CEP170B: variants seen among roughly 807,000 people sequenced by gnomAD.
CEP170B encodes centrosomal protein of 170 kDa protein B.
Under a neutral mutation model 120.6 loss-of-function variants are expected in CEP170B, and 55 were observed. That is an observed-to-expected ratio of 0.46 (90% CI 0.37 to 0.57). CEP170B has a LOEUF of 0.57. Ranked by LOEUF, CEP170B falls within the 20% of genes least tolerant of loss-of-function variation. The pLI, the probability that CEP170B is intolerant of heterozygous loss-of-function variation, is 0.00. For synonymous variants in CEP170B, 1,033 were observed against 954.5 expected (o/e 1.08, Z -1.52); for missense variants, 2,212 against 2,253.3 (o/e 0.98, Z 0.37).
At chr14:104,865,051 A>C (rs1259738366), upstream of CEP170B, among the ~76,000 whole-genome samples, 3 of 73,806 alleles carry the variant, frequency 4.1e-5, no homozygotes, top group Non-Finnish European at 8.7e-5. The surrounding 1 kb of genome is among the most constrained non-coding windows in gnomAD (Gnocchi z 6.7). Context: ...CGGTGGGGGA[A>C]GGTGGGCCTG....
At chr14:104,889,225 AG>A (rs950540319) in intron 12 of CEP170B, among the ~76,000 whole-genome samples, 10 of 152,210 alleles carry the variant, frequency 6.6e-5, no homozygotes, top group African/African-American at 2.4e-4. Context: ...ACCACCTGTA[AG>A]GGGGTTTCCC....
In CEP170B at chr14:104,868,462, G is replaced by A. The variant is rs183217990; in HGVS notation, c.12G>A (p.Thr4=). 8.4e-3 allele frequency: 12,952 copies of A among 1,548,860 alleles called. 69 individuals carry two copies. Among genetic ancestry groups the A allele is most frequent in the Non-Finnish European group, 0.01 (11,560 of 1,146,914 alleles). ...CAGCCAGCACCAAGATGAGTGCCAC[G>A]TCCTGGTTCCTGGTGAGCAGCAGCG... is the stretch of plus-strand genomic sequence containing the variant. MSA[T]SWFLVSSSGA... Residue 4 remains threonine (T), a synonymous_variant, in exon 2 of 19, where the codon ACG becomes ACA. Coordinates refer to ENST00000414716, the MANE Select transcript of CEP170B (RefSeq NM_001112726.3). This position sits in a 1 kb window ranked among gnomAD's most constrained non-coding sequence, Gnocchi z 5.9.
Position 104,894,878 on chromosome 14 carries a change from TTCCCACAGCGGGCCA to T in CEP170B, c.4586_4600del (p.Phe1529_Ser1534delinsCys). 1 of 1,606,520 alleles carries T rather than the reference TTCCCACAGCGGGCCA, an allele frequency of 6.2e-7. No homozygotes were observed. Among genetic ancestry groups the T allele is most frequent in the Non-Finnish European group, 8.5e-7 (1 of 1,177,244 alleles). The stretch of plus-strand genomic sequence containing the variant: ...GCTGCCAGCCCTGCCCCTGAGGAAT[TTCCCACAGCGGGCCA>T]GCTGTGGGCCTCCCAGCCTCCCGGA... On this transcript the variant is annotated inframe_deletion, in exon 19 of 19. Transcript: ENST00000414716.
intron 8 of CEP170B, 75 bp downstream of exon 8, chr14:104,883,583 GC>G: frequency 7.2e-7 from 1 of 1,391,588 alleles, no homozygotes; most frequent in African/African-American, 1.4e-5. Flanking sequence ...CTGCACTGTT[GC>G]CATGCAGAGG....
chr14:104,894,097 C>T, intron 16 of CEP170B, 188 bp from the exon 17 acceptor site: 1 of 657,006 alleles, frequency 1.5e-6, no homozygotes, highest in Non-Finnish European at 2.7e-6. Flanking sequence ...CCCAGCCCTC[C>T]CCACCGCCGA....
chr14:104,896,098 G>A lies in CEP170B; in HGVS notation c.*1140G>A. 1 of 159,550 alleles carries A rather than the reference G, an allele frequency of 6.3e-6. No individual in the cohort carries two copies. Among genetic ancestry groups the A allele is most frequent in the Non-Finnish European group, 1.4e-5 (1 of 72,066 alleles). 9.9% of individuals were successfully genotyped at this position (159,550 alleles called of 1,614,324 possible). On this transcript the variant is annotated 3_prime_UTR_variant, in exon 19 of 19. Coordinates refer to ENST00000414716, the MANE Select transcript of CEP170B (RefSeq NM_001112726.3). Reference sequence around the variant, plus strand: ...GGCCGTGGTTGGTGGGGGTGGACGTGGGGGTGTCCCACCTGGACCAGACTG... The same window carrying A: ...GGCCGTGGTTGGTGGGGGTGGACGTAGGGGTGTCCCACCTGGACCAGACTG...
rs1447389535 is a variant in CEP170B, at chr14:104,877,954, T to G, written c.265T>G (p.Phe89Val). The G allele has an allele frequency of 6.2e-7, 1 of 1,601,938 alleles. No homozygotes were observed. The highest frequency in any genetic ancestry group is 8.5e-7 in the Non-Finnish European group (1 of 1,173,968). The change falls in exon 4 of 19, where the codon TTC becomes GTC. Residue 89 changes from phenylalanine (F) to valine (V), a missense_variant. Coordinates refer to ENST00000414716, the MANE Select transcript of CEP170B (RefSeq NM_001112726.3). ...VTLKLNDVIR[F>V]GYDSNMYVLE... ...GCTGAAGCTCAACGATGTCATCCGC[T>G]TCGGCTACGATATCCTGCCCCTGAG...
intron 9 of CEP170B, 43 bp from the exon 10 acceptor site, chr14:104,885,326 G>A: frequency 1.3e-6 from 2 of 1,503,846 alleles, no homozygotes; most frequent in Non-Finnish European, 1.8e-6. Context: ...TGGGAGGTGG[G>A]CTTCTCTGAC....
Position 104,894,801 on chromosome 14 carries a change from A to C in CEP170B, c.4508A>C (p.Lys1503Thr), listed in dbSNP as rs202016899. ...LASSAQPGLG[K>T]GRVAAQSPPS... ...AGCTCTGCACAGCCGGGGCTGGGGA[A>C]GGGCCGCGTGGCTGCCCAGAGCCCA... is the stretch of plus-strand genomic sequence containing the variant. Residue 1503 changes from lysine to threonine, a missense_variant, in exon 19 of 19, where the codon AAG (lysine) becomes ACG (threonine). Lys to Thr is a moderately conservative substitution (Grantham distance 78, BLOSUM62 -1). Around this residue, in one of 2 missense-constraint regions of CEP170B, gnomAD observed 2,166 missense variants for 2,166.7 expected, o/e 1.00. Transcript: ENST00000414716. 124 of 1,608,006 alleles carry C rather than the reference A, an allele frequency of 7.7e-5. No individual in the cohort carries two copies. Among genetic ancestry groups the C allele is most frequent in the Non-Finnish European group, 9.3e-5 (110 of 1,179,134 alleles).
At chr14:104,878,749 G>T (rs1207091312) in intron 5 of CEP170B, among the ~76,000 whole-genome samples, 2 of 152,244 alleles carry the variant, frequency 1.3e-5, no homozygotes, top group Non-Finnish European at 2.9e-5. Context: ...CGGGACGCGG[G>T]TGCCACTGTT....
intron 6 of CEP170B, among the ~76,000 whole-genome samples, chr14:104,880,654 AT>A (rs1208775349): frequency 1.3e-5 from 2 of 150,748 alleles, no homozygotes; most frequent in East Asian, 3.9e-4. Flanking sequence ...CTACCCGTGC[AT>A]GCCTGCACCC....
At position 104,878,499 on chromosome 14, in the gene CEP170B, A is replaced by G; in HGVS notation, c.331A>G (p.Lys111Glu). The change falls in exon 5 of 19, where the codon AAG becomes GAG. Residue 111 changes from lysine (K) to glutamate (E), a missense_variant and splice_region_variant. By Grantham distance (56) the Lys-to-Glu change is moderately conservative (BLOSUM62 1). Around this residue, in one of 2 missense-constraint regions of CEP170B, gnomAD observed 2,166 missense variants for 2,166.7 expected, o/e 1.00. Coordinates refer to ENST00000414716, the MANE Select transcript of CEP170B (RefSeq NM_001112726.3). ...GCACCGAGTCCCGGAGGAGGCACTC[A>G]AGGTTAGTGCTGGCCAAGCCCGGGT... ...VQHRVPEEAL[K>E]HEKYTSQLQV... 1.2e-6 allele frequency: 2 copies of G among 1,611,154 alleles called. No homozygotes were observed. Among genetic ancestry groups the G allele is most frequent in the South Asian group, 2.2e-5 (2 of 91,072 alleles).
intron 16 of CEP170B, chr14:104,894,065 C>T (rs951106039): frequency 1.5e-6 from 1 of 650,212 alleles, no homozygotes; most frequent in Non-Finnish European, 2.7e-6. Flanking sequence ...TCCTCCCCTT[C>T]TCCCCTAGCC....
In CEP170B at chr14:104,885,385, A is replaced by G. The variant is rs1447215938; in HGVS notation, c.1787A>G (p.Glu596Gly). 2 of 1,565,044 alleles carry G rather than the reference A, an allele frequency of 1.3e-6. No individual in the cohort carries two copies. The highest frequency in any genetic ancestry group is 1.7e-6 in the Non-Finnish European group (2 of 1,155,840). Residue 596 changes from glutamate to glycine, a missense_variant, in exon 10 of 19, where the codon GAG becomes GGG. By Grantham distance (98) the Glu-to-Gly change is moderately conservative. This residue lies in a region of CEP170B where 2,166 missense variants were observed against 2,166.7 expected (regional missense o/e 1.00). Transcript: ENST00000414716. Reference sequence around the variant, plus strand: ...TCTTGGCAGGTCTTTGGGGTGTTGGAGTCCCCTGAACTCTCCAGGGCATCT... The same window carrying G: ...TCTTGGCAGGTCTTTGGGGTGTTGGGGTCCCCTGAACTCTCCAGGGCATCT... ...KMIDQVFGVL[E>G]SPELSRASSA...
chr14:104,883,818 C>T lies in CEP170B; in HGVS notation c.1052-13C>T, dbSNP rs752070865. On this transcript the variant is annotated splice_polypyrimidine_tract_variant and intron_variant, in intron 8 of 18. Coordinates refer to ENST00000414716, the MANE Select transcript of CEP170B (RefSeq NM_001112726.3). The stretch of plus-strand genomic sequence containing the variant: ...TCTCGGCCTGACAAGGTGGGGTCCC[C>T]TGTCTCCCCCAGGCCACAAGCACGA... 1 of 1,524,898 alleles carries T rather than the reference C, an allele frequency of 6.6e-7. No individual in the cohort carries two copies. The highest frequency in any genetic ancestry group is 8.8e-7 in the Non-Finnish European group (1 of 1,134,692). The allele number at this position is 1,524,898 out of a possible 1,614,324, so 94.5% of individuals were successfully genotyped here.
intron 13 of CEP170B, among the ~76,000 whole-genome samples, chr14:104,890,968 GGTGGGTGT>G: frequency 8.4e-6 from 1 of 118,858 alleles, no homozygotes; most frequent in African/African-American, 3.4e-5. Context: ...TGGATGGGTG[GGTGGGTGT>G]GTGGATGGAT....
At chr14:104,880,559 C>A in intron 6 of CEP170B, 134 bp downstream of exon 6, 1 of 1,319,896 alleles carries the variant, frequency 7.6e-7, no homozygotes. Context: ...ACCCTTTGCA[C>A]ACACCTACCC....
rs1896845920 is a variant in CEP170B at position 104,891,290 on chromosome 14, G to C, written c.3878+1532G>C. Among the ~76,000 whole-genome samples, 1 of 152,126 alleles carries C rather than the reference G, an allele frequency of 6.6e-6. No individual in the cohort carries two copies. Reference sequence around the variant, plus strand: ...GTGAGAGTGGTCTTTGCCAAGCAGTGGTCAGTACTGCAAAGGCAGTCCCTG... The same window carrying C: ...GTGAGAGTGGTCTTTGCCAAGCAGTCGTCAGTACTGCAAAGGCAGTCCCTG... On this transcript the variant is annotated intron_variant, in intron 13 of 18. Coordinates refer to ENST00000414716, the MANE Select transcript of CEP170B (RefSeq NM_001112726.3). This position sits in a 1 kb window ranked among gnomAD's most constrained non-coding sequence, Gnocchi z 4.3.
chr14:104,887,514 G>C lies in CEP170B; in HGVS notation c.3275G>C (p.Arg1092Pro). Residue 1092 changes from arginine to proline, a missense_variant, in exon 12 of 19, where the codon CGG becomes CCG. By Grantham distance (103) the Arg-to-Pro change is moderately radical. Coordinates refer to ENST00000414716, the MANE Select transcript of CEP170B (RefSeq NM_001112726.3). ...GCCCCACCGCCATCCCCAGCTGCCC[G>C]GGAGGAGCAGAGCCGTAGCTCAGCC... The part of the protein sequence containing the change: ...PAAPPPSPAA[R>P]EEQSRSSASS... 6.2e-7 allele frequency: 1 copy of C among 1,611,548 alleles called. No homozygotes were observed. The highest frequency in any genetic ancestry group is 8.5e-7 in the Non-Finnish European group (1 of 1,179,560).
Sources: gnomAD v4.1 joint callset for allele counts (sites outside exome capture counted in the v4.1 genomes callset) on GRCh38, gnomAD v4.1.1 for gene constraint, gnomAD v4.1.1 regional missense constraint, Gnocchi (gnomAD v3.1) non-coding constraint, MANE v1.5 for transcripts, NCBI Gene and HGNC (gene_info 2026-07-23, HGNC 2026-07-21) for gene names.